Variants in IFT43 observed in about 807,000 individuals in gnomAD.
IFT43 encodes intraflagellar transport protein 43 homolog.
In IFT43, 33 loss-of-function variants were observed where a neutral mutation model predicts 32.3. That is an observed-to-expected ratio of 1.02 (90% confidence interval 0.77 to 1.37). The LOEUF is 1.37. Among genes scored for constraint, IFT43 ranks in the 40% most tolerant of loss-of-function variants. The probability of loss-of-function intolerance (pLI) is 0.00; values close to 1 mark genes in which losing one functional copy is unlikely to be tolerated. For missense variants in IFT43, 274 were observed against 265.9 expected, an observed-to-expected ratio of 1.03 and a Z score of -0.21; for synonymous variants, 93 against 98.2, an observed-to-expected ratio of 0.95 and a Z score of 0.31.
intron 2 of IFT43, among the ~76,000 whole-genome samples, chr14:76,017,462 TG>T (rs1234104206): frequency 2.0e-5 from 3 of 152,190 alleles, no homozygotes; most frequent in African/African-American, 7.2e-5. Context: ...CGTATTTTGT[TG>T]GGGATTTTTG....
At position 76,032,937 on chromosome 14, in the gene IFT43, G is replaced by A. The variant is rs74069417; in HGVS notation, c.215+10543G>A. Among the ~76,000 whole-genome samples, 1,195 of 152,286 alleles carry A rather than the reference G, an allele frequency of 7.8e-3. 16 individuals are homozygous for A. Among genetic ancestry groups the A allele is most frequent in the African/African-American group, 0.027 (1,129 of 41,532 alleles). On this transcript the variant is annotated intron_variant, in intron 3 of 8. Transcript: ENST00000314067. The stretch of plus-strand genomic sequence containing the variant: ...CTTAGGTGTCTGGTTGGGTCATGGT[G>A]CTATAAGAGAGGGAAGGCAGGAGGG...
intron 3 of IFT43, among the ~76,000 whole-genome samples, chr14:76,037,880 G>A (rs2036631676): frequency 6.6e-6 from 1 of 152,112 alleles, no homozygotes. Flanking sequence ...TAAATTTGGG[G>A]CATTTCTTAC....
At chr14:76,003,654 CAT>C (rs1777482436) in intron 2 of IFT43, among the ~76,000 whole-genome samples, 1 of 151,838 alleles carries the variant, frequency 6.6e-6, no homozygotes, top group Admixed American at 6.6e-5. Context: ...TATGCCACTT[CAT>C]ATAAAATGTG....
At chr14:76,071,436 G>A (rs753310677) in intron 5 of IFT43, among the ~76,000 whole-genome samples, 4 of 152,128 alleles carry the variant, frequency 2.6e-5, no homozygotes, top group Non-Finnish European at 4.4e-5. Flanking sequence ...ATAACTCATC[G>A]AGGTCACATG....
intron 3 of IFT43, among the ~76,000 whole-genome samples, chr14:76,039,084 G>T (rs911539528): frequency 6.6e-6 from 1 of 151,968 alleles, no homozygotes; most frequent in Non-Finnish European, 1.5e-5. Flanking sequence ...GCACAGGCAC[G>T]CAGGTCTAAT....
chr14:76,076,516 C>T, intron 5 of IFT43: 2 of 1,587,328 alleles, frequency 1.3e-6, no homozygotes, highest in Non-Finnish European at 1.7e-6. Context: ...TAGATTTATA[C>T]TCCAGGTGAA....
intron 2 of IFT43, among the ~76,000 whole-genome samples, chr14:75,997,357 A>G (rs74949183): frequency 0.024 from 3,630 of 152,358 alleles, 52 homozygotes; most frequent in Middle Eastern, 0.065. Flanking sequence ...TATGAGGTCA[A>G]CATTTCTAAT....
At chr14:76,059,214 G>T in intron 4 of IFT43, 113 bp from the exon 5 acceptor site, 1 of 1,605,592 alleles carries the variant, frequency 6.2e-7, no homozygotes, top group Non-Finnish European at 8.5e-7. Context: ...AGAAAAACAG[G>T]TTCAGGGACA....
chr14:75,986,980 C>G (rs2035542561), intron 1 of IFT43, among the ~76,000 whole-genome samples: 1 of 152,136 alleles, frequency 6.6e-6, no homozygotes, highest in African/African-American at 2.4e-5. Flanking sequence ...AGTTCCTGCC[C>G]TCATGTGATT....
intron 2 of IFT43, among the ~76,000 whole-genome samples, chr14:75,991,193 G>A (rs1248165225): frequency 6.6e-6 from 1 of 152,056 alleles, no homozygotes; most frequent in Non-Finnish European, 1.5e-5. Context: ...AGCTGGGTTT[G>A]GGTGGCATGT....
chr14:76,054,243 G>A (rs993666436), intron 3 of IFT43, among the ~76,000 whole-genome samples: 1 of 152,196 alleles, frequency 6.6e-6, no homozygotes, highest in Admixed American at 6.5e-5. Context: ...GTTGAAGAAT[G>A]ACTAATTTAA....
intron 1 of IFT43, chr14:75,986,393 AT>A: frequency 1.4e-6 from 1 of 729,256 alleles, no homozygotes; most frequent in Non-Finnish European, 1.9e-6. Context: ...TGAGGGAGTG[AT>A]TAGGTGCTCA....
intron 2 of IFT43, among the ~76,000 whole-genome samples, chr14:76,000,890 T>A (rs986712877): frequency 6.6e-6 from 1 of 152,162 alleles, no homozygotes; most frequent in African/African-American, 2.4e-5. Context: ...TTATTTCAAT[T>A]TGGGACATGC....
chr14:76,010,916 T>G (rs2036071965), intron 2 of IFT43, among the ~76,000 whole-genome samples: 2 of 151,848 alleles, frequency 1.3e-5, no homozygotes, highest in Non-Finnish European at 2.9e-5. Flanking sequence ...TTTTTTTTTT[T>G]TTTAATGACA....
chr14:75,999,524 A>G (rs2035843856), intron 2 of IFT43, among the ~76,000 whole-genome samples: 1 of 152,036 alleles, frequency 6.6e-6, no homozygotes, highest in Non-Finnish European at 1.5e-5. Flanking sequence ...CTGATACAAA[A>G]TGAACAAGAA....
intron 5 of IFT43, among the ~76,000 whole-genome samples, chr14:76,060,826 CTTTCT>C (rs2037118299): frequency 1.1e-5 from 1 of 89,202 alleles, no homozygotes; most frequent in Non-Finnish European, 2.6e-5. Flanking sequence ...CCCTCCCTCC[CTTTCT>C]TCCTTCCTTC....
At position 76,063,149 on chromosome 14, in the gene IFT43, G is replaced by C. The variant is rs552894013; in HGVS notation, c.295+3776G>C. Among the ~76,000 whole-genome samples the C allele has an allele frequency of 3.9e-5, 6 of 152,256 alleles. No homozygotes were observed. The South Asian group carries it at 1.2e-3, about 32-fold the overall frequency. On this transcript the variant is annotated intron_variant, in intron 5 of 8. Coordinates refer to ENST00000314067, the MANE Select transcript of IFT43 (RefSeq NM_001102564.3). ...GCTGAGTGGAGCTGAGCCTCCTCCA[G>C]TTCTGTATAAGTGCTGGGGATTGTT... is the stretch of plus-strand genomic sequence containing the variant.
chr14:76,051,484 T>C (rs2036912716), intron 3 of IFT43, among the ~76,000 whole-genome samples: 1 of 152,018 alleles, frequency 6.6e-6, no homozygotes, highest in South Asian at 2.1e-4. Context: ...TCTCCTTTCC[T>C]CACATTTGGG....
intron 5 of IFT43, among the ~76,000 whole-genome samples, chr14:76,081,450 TACTC>T (rs2037509055): frequency 6.6e-6 from 1 of 152,208 alleles, no homozygotes; most frequent in Non-Finnish European, 1.5e-5. Flanking sequence ...CAGTCAGTGA[TACTC>T]ACTTGGAGAA....
Sources: allele counts gnomAD v4.1 joint callset (sites outside exome capture counted in the v4.1 genomes callset), GRCh38; gene constraint gnomAD v4.1.1; transcripts MANE v1.5; gene names NCBI Gene and HGNC (gene_info 2026-07-23, HGNC 2026-07-21).